ADAMTS19: variants seen among roughly 807,000 people sequenced by gnomAD.
ADAMTS19 encodes ADAM metallopeptidase with thrombospondin type 1 motif 19.
Under a neutral mutation model 153.3 loss-of-function variants are expected in ADAMTS19, and 93 were observed. That is an observed-to-expected ratio of 0.61 (90% confidence interval 0.51 to 0.72). The LOEUF (loss-of-function observed/expected upper bound fraction) is 0.72. ADAMTS19 is among the 30% of genes least tolerant of loss of function. The probability of loss-of-function intolerance (pLI) is 0.00; values close to 1 mark genes in which losing one functional copy is unlikely to be tolerated. For synonymous variants in ADAMTS19, 600 were observed against 556.6 expected, an observed-to-expected ratio of 1.08 and a Z score of -1.10; for missense variants, 1,482 against 1,552.1, an observed-to-expected ratio of 0.95 and a Z score of 0.76.
intron 10 of ADAMTS19, among the ~76,000 whole-genome samples, chr5:129,625,041 A>T (rs1751963287): frequency 6.6e-6 from 1 of 150,932 alleles, no homozygotes; most frequent in Admixed American, 6.6e-5. Context: ...CCTCTGTCCA[A>T]GTGTTCTCAT....
chr5:129,681,318 T>C (rs1754800598), intron 17 of ADAMTS19, among the ~76,000 whole-genome samples: 1 of 152,184 alleles, frequency 6.6e-6, no homozygotes, highest in South Asian at 2.1e-4. Flanking sequence ...ACAAACCACA[T>C]TTTAAATTAC....
chr5:129,533,929 G>A (rs887685338), intron 6 of ADAMTS19, among the ~76,000 whole-genome samples: 1 of 152,018 alleles, frequency 6.6e-6, no homozygotes, highest in African/African-American at 2.4e-5. Context: ...TTAATCCTGA[G>A]TTCTAGTTTG....
At chr5:129,669,648 G>T (rs978139452) in intron 16 of ADAMTS19, among the ~76,000 whole-genome samples, 1 of 151,728 alleles carries the variant, frequency 6.6e-6, no homozygotes, top group African/African-American at 2.4e-5. Flanking sequence ...TCTTCTACTA[G>T]TTTGGGATTC....
At chr5:129,687,592 T>C (rs966557962) in intron 18 of ADAMTS19, among the ~76,000 whole-genome samples, 102 of 152,182 alleles carry the variant, frequency 6.7e-4, no homozygotes, top group African/African-American at 2.4e-3. Context: ...AGAAATATTA[T>C]CTATTCTTAA....
At chr5:129,469,975 A>G (rs1313061498) in intron 2 of ADAMTS19, among the ~76,000 whole-genome samples, 1 of 152,236 alleles carries the variant, frequency 6.6e-6, no homozygotes, top group Non-Finnish European at 1.5e-5. Context: ...AGGAAGCTAC[A>G]TAGTGAATAA....
intron 2 of ADAMTS19, among the ~76,000 whole-genome samples, chr5:129,476,030 T>C (rs1005027711): frequency 2.6e-5 from 4 of 152,154 alleles, no homozygotes; most frequent in African/African-American, 9.6e-5. Context: ...TATTTTTTTT[T>C]CTCTGTGAAA....
chr5:129,555,549 C>G (rs1002917004), intron 7 of ADAMTS19, among the ~76,000 whole-genome samples: 1 of 152,170 alleles, frequency 6.6e-6, no homozygotes, highest in Non-Finnish European at 1.5e-5. Context: ...ACTAATATCT[C>G]GAAAGCTTGG....
rs1034150079 is a variant in ADAMTS19 at position 129,722,036 on chromosome 5, A to G, written c.3313-12896A>G. On this transcript the variant is annotated intron_variant, in intron 21 of 22. Coordinates refer to ENST00000274487, the MANE Select transcript of ADAMTS19 (RefSeq NM_133638.6). ...TTTGGGTTGGTTCCATGTCTTTGCT[A>G]TTGCGAATAGTGCTGCAATAAACAT... Among the ~76,000 whole-genome samples the G allele has an allele frequency of 2.0e-5, 3 of 152,304 alleles. No homozygotes were observed. The South Asian group carries it at 6.2e-4, about 32-fold the overall frequency.
intron 12 of ADAMTS19, among the ~76,000 whole-genome samples, chr5:129,648,326 G>T (rs1159140452): frequency 6.6e-6 from 1 of 152,180 alleles, no homozygotes; most frequent in East Asian, 1.9e-4. Flanking sequence ...GGATCAGCTT[G>T]TTCAACCCCA....
At chr5:129,652,961 T>C in intron 13 of ADAMTS19, among the ~76,000 whole-genome samples, 1 of 152,172 alleles carries the variant, frequency 6.6e-6, no homozygotes, top group East Asian at 1.9e-4. Flanking sequence ...CGGCTTATAA[T>C]GGCATCTTAA....
chr5:129,530,378 A>C (rs938420712), intron 6 of ADAMTS19, among the ~76,000 whole-genome samples: 1 of 152,188 alleles, frequency 6.6e-6, no homozygotes, highest in Non-Finnish European at 1.5e-5. Flanking sequence ...ATTTGATGAA[A>C]GGCAACAAAT....
At chr5:129,700,732 G>T (rs1755795910) in intron 19 of ADAMTS19, among the ~76,000 whole-genome samples, 3 of 152,048 alleles carry the variant, frequency 2.0e-5, no homozygotes, top group African/African-American at 7.2e-5. Context: ...TACTTACAAA[G>T]TCCCACAGTA....
At chr5:129,639,769 T>C (rs1752711418) in intron 10 of ADAMTS19, among the ~76,000 whole-genome samples, 1 of 152,204 alleles carries the variant, frequency 6.6e-6, no homozygotes, top group African/African-American at 2.4e-5. Flanking sequence ...AGAAAAATTC[T>C]TCTTTGAATT....
intron 2 of ADAMTS19, chr5:129,500,239 A>T (rs933906858): frequency 1.3e-5 from 2 of 152,162 alleles, no homozygotes; most frequent in African/African-American, 4.8e-5. Flanking sequence ...TCATTTCTGC[A>T]CCTATGACTT....
In ADAMTS19 at chr5:129,650,064, GT is replaced by G. The variant is rs1478590719; in HGVS notation, c.2176+1095del. Among the ~76,000 whole-genome samples the G allele has an allele frequency of 2.0e-5, 3 of 152,102 alleles. No homozygotes were observed. The East Asian group carries it at 5.8e-4, about 29-fold the overall frequency. On this transcript the variant is annotated intron_variant, in intron 13 of 22. Coordinates refer to ENST00000274487, the MANE Select transcript of ADAMTS19 (RefSeq NM_133638.6). ...CTGGGTGTTGTGGCATGTGCCTGTAGTCCCAGCTACTCAGGAGGCTGAGGCA... is the reference window on the plus strand; with the variant it reads ...CTGGGTGTTGTGGCATGTGCCTGTAGCCCAGCTACTCAGGAGGCTGAGGCA...
At position 129,576,330 on chromosome 5, in the gene ADAMTS19, G is replaced by T. The variant is rs185998987; in HGVS notation, c.1373-20229G>T. Among the ~76,000 whole-genome samples the T allele has an allele frequency of 3.5e-3, 531 of 151,932 alleles. 3 individuals carry two copies. Among genetic ancestry groups the T allele is most frequent in the Middle Eastern group, 0.01 (3 of 292 alleles). On this transcript the variant is annotated intron_variant, in intron 7 of 22. Coordinates refer to ENST00000274487, the MANE Select transcript of ADAMTS19 (RefSeq NM_133638.6). ...ATATTAATATTTTATATAAAAGCTT[G>T]CCAAAGATGTAGAAGTGACCTATGT... is the stretch of plus-strand genomic sequence containing the variant.
intron 8 of ADAMTS19, 38 bp downstream of exon 8, chr5:129,596,702 T>C (rs770093637): frequency 1.7e-5 from 24 of 1,417,618 alleles, no homozygotes; most frequent in Non-Finnish European, 2.1e-5. Flanking sequence ...TATGTTAGCA[T>C]ATAACTTTGT....
chr5:129,668,904 T>G (rs1169232335), intron 16 of ADAMTS19, among the ~76,000 whole-genome samples: 1 of 152,096 alleles, frequency 6.6e-6, no homozygotes, highest in African/African-American at 2.4e-5. Context: ...ATGTGAAATT[T>G]TATATACGGA....
intron 2 of ADAMTS19, among the ~76,000 whole-genome samples, chr5:129,508,853 G>A (rs370930602): frequency 9.9e-5 from 15 of 151,788 alleles, no homozygotes; most frequent in Non-Finnish European, 1.8e-4. Context: ...CCACCCACAC[G>A]GATTAAGACT....
Sources: gnomAD v4.1 joint callset for allele counts (sites outside exome capture counted in the v4.1 genomes callset) on GRCh38, gnomAD v4.1.1 for gene constraint, MANE v1.5 for transcripts, NCBI Gene and HGNC (gene_info 2026-07-23, HGNC 2026-07-21) for gene names.